The following DIP2B variants were observed in gnomAD, a reference collection of about 807,000 sequenced individuals.
The protein encoded by DIP2B is DIP2 acetate--CoA ligase B (putative).
DIP2B carries 76 observed loss-of-function variants against 198.0 expected under a neutral mutation model. The ratio of observed to expected loss-of-function variants is 0.38; its 90% CI spans 0.32 to 0.46. The LOEUF is 0.46. DIP2B is among the 20% of genes least tolerant of loss of function. DIP2B has a pLI of 0.99. For synonymous variants in DIP2B, 701 were observed against 739.1 expected (o/e 0.95, Z 0.84); for missense variants, 1,559 against 1,978.4 (o/e 0.79, Z 4.02).
At chr12:50,692,471 C>A (rs1407339448) in intron 13 of DIP2B, among the ~76,000 whole-genome samples, 1 of 152,086 alleles carries the variant, frequency 6.6e-6, no homozygotes, top group Non-Finnish European at 1.5e-5. Flanking sequence ...ACCACATTAC[C>A]CTATGAGCAG....
Position 50,747,906 on chromosome 12 carries a change from A to G in DIP2B, c.*3067A>G, listed in dbSNP as rs965784855. 6.6e-6 allele frequency: 1 copy of G among 152,610 alleles called. No homozygotes were observed. Among genetic ancestry groups the G allele is most frequent in the South Asian group, 2.1e-4 (1 of 4,828 alleles). 9.5% of individuals were successfully genotyped at this position (152,610 alleles called of 1,614,324 possible). ...AGACCCTGGGAAGGACCAGCATGCT[A>G]ATCAGTGTCAGTGAATCCACAGTCT... On this transcript the variant is annotated 3_prime_UTR_variant, in exon 38 of 38. Coordinates refer to ENST00000301180, the MANE Select transcript of DIP2B (RefSeq NM_173602.3).
intron 1 of DIP2B, among the ~76,000 whole-genome samples, chr12:50,608,476 G>A (rs1959003110): frequency 6.6e-6 from 1 of 151,760 alleles, no homozygotes; most frequent in South Asian, 2.1e-4. Context: ...ACAAAACATA[G>A]CTGGGTCCAC....
intron 1 of DIP2B, among the ~76,000 whole-genome samples, chr12:50,525,379 A>C (rs1179619668): frequency 3.4e-5 from 5 of 149,180 alleles, no homozygotes; most frequent in Non-Finnish European, 7.4e-5. Context: ...AAAAAAATAC[A>C]GAGAATACCG....
intron 1 of DIP2B, among the ~76,000 whole-genome samples, chr12:50,583,035 T>C (rs755339584): frequency 6.6e-6 from 1 of 152,210 alleles, no homozygotes; most frequent in Non-Finnish European, 1.5e-5. Flanking sequence ...TAAAATTGAT[T>C]GAAGGAAATG....
chr12:50,557,519 A>G (rs1565823600), intron 1 of DIP2B, among the ~76,000 whole-genome samples: 1 of 152,216 alleles, frequency 6.6e-6, no homozygotes, highest in South Asian at 2.1e-4. Context: ...TGTTCTCACA[A>G]CAGTGGCAGG....
intron 2 of DIP2B, among the ~76,000 whole-genome samples, chr12:50,631,347 C>T (rs780925494): frequency 3.9e-5 from 6 of 152,168 alleles, no homozygotes; most frequent in Non-Finnish European, 7.3e-5. Flanking sequence ...CTGCCTCAGC[C>T]TCCCGAGTAG....
chr12:50,645,012 T>C (rs988119261), intron 3 of DIP2B, among the ~76,000 whole-genome samples: 4 of 152,190 alleles, frequency 2.6e-5, no homozygotes, highest in African/African-American at 9.7e-5. Flanking sequence ...AAGGAGGACA[T>C]TTTTCTCATT....
chr12:50,630,732 C>T (rs536409598), intron 2 of DIP2B, among the ~76,000 whole-genome samples: 68 of 127,190 alleles, frequency 5.3e-4, no homozygotes, highest in Admixed American at 2.3e-3. Flanking sequence ...AGTGCAATGG[C>T]GTGATCTCGG....
At chr12:50,667,422 T>C (rs1173809467) in intron 4 of DIP2B, among the ~76,000 whole-genome samples, 2 of 152,238 alleles carry the variant, frequency 1.3e-5, no homozygotes, top group Non-Finnish European at 2.9e-5. Flanking sequence ...GATAAATTTC[T>C]ATTATTTAAT....
chr12:50,723,973 AATAAG>A (rs932151629), intron 27 of DIP2B, among the ~76,000 whole-genome samples: 4 of 152,172 alleles, frequency 2.6e-5, no homozygotes, highest in African/African-American at 7.2e-5. Flanking sequence ...AGTTAAAGAA[AATAAG>A]ATAAGTGTGT....
chr12:50,601,678 T>C (rs1054859076), intron 1 of DIP2B, among the ~76,000 whole-genome samples: 1 of 152,162 alleles, frequency 6.6e-6, no homozygotes, highest in African/African-American at 2.4e-5. Context: ...ATTTTTTTTT[T>C]GTATTTGGTT....
intron 21 of DIP2B, among the ~76,000 whole-genome samples, 178 bp from the exon 22 acceptor site, chr12:50,708,270 C>T (rs971357133): frequency 9.9e-5 from 15 of 152,168 alleles, no homozygotes; most frequent in Non-Finnish European, 2.1e-4. Context: ...GTGCTTAATA[C>T]ATATTATTTA....
chr12:50,625,035 A>G (rs1325781288), intron 1 of DIP2B, among the ~76,000 whole-genome samples: 2 of 152,224 alleles, frequency 1.3e-5, no homozygotes, highest in Non-Finnish European at 2.9e-5. Flanking sequence ...TTTTAATACT[A>G]CAATTTGACT....
At chr12:50,653,919 G>A (rs1272837659) in intron 3 of DIP2B, among the ~76,000 whole-genome samples, 1 of 151,908 alleles carries the variant, frequency 6.6e-6, no homozygotes, top group Non-Finnish European at 1.5e-5. Flanking sequence ...TGTTGCCCAG[G>A]CTGGAGTGCA....
intron 35 of DIP2B, among the ~76,000 whole-genome samples, chr12:50,738,390 T>G (rs553897748): frequency 1.3e-5 from 2 of 152,238 alleles, no homozygotes; most frequent in African/African-American, 4.8e-5. Flanking sequence ...CCCAACACTT[T>G]GGGAGGCTGA....
intron 19 of DIP2B, among the ~76,000 whole-genome samples, chr12:50,700,066 A>T (rs1033711992): frequency 1.3e-5 from 2 of 152,230 alleles, no homozygotes; most frequent in Non-Finnish European, 1.5e-5. Context: ...CATATTATTC[A>T]GTCTTTCAGT....
At chr12:50,543,254 A>T (rs11169486) in intron 1 of DIP2B, among the ~76,000 whole-genome samples, 1 of 151,544 alleles carries the variant, frequency 6.6e-6, no homozygotes, top group Non-Finnish European at 1.5e-5. Context: ...GACAATTTCA[A>T]TGTCTTATGC....
At chr12:50,608,144 A>G (rs1204480411) in intron 1 of DIP2B, among the ~76,000 whole-genome samples, 1 of 152,196 alleles carries the variant, frequency 6.6e-6, no homozygotes, top group Non-Finnish European at 1.5e-5. Flanking sequence ...TTAGCAAATT[A>G]GTATTTGGAA....
chr12:50,620,408 C>G (rs967856608), intron 1 of DIP2B, among the ~76,000 whole-genome samples: 26 of 152,200 alleles, frequency 1.7e-4, no homozygotes, highest in Admixed American at 3.9e-4. Context: ...ATGTGTCTTT[C>G]TGTATGTCTG....
Sources: gnomAD v4.1 joint callset for allele counts (sites outside exome capture counted in the v4.1 genomes callset) on GRCh38, gnomAD v4.1.1 for gene constraint, MANE v1.5 for transcripts, NCBI Gene and HGNC (gene_info 2026-07-23, HGNC 2026-07-21) for gene names.